PTPRG: variants seen among roughly 807,000 people sequenced by gnomAD.
The protein encoded by PTPRG is receptor-type tyrosine-protein phosphatase gamma.
A neutral mutation model predicts 165.3 loss-of-function variants in PTPRG; 102 were observed. That is an observed-to-expected ratio of 0.62 (90% CI 0.53 to 0.73). The LOEUF (loss-of-function observed/expected upper bound fraction) is 0.73, where lower values mean the gene tolerates loss of function less well. Among genes scored for constraint, PTPRG ranks in the 30% least tolerant of loss-of-function variants. The pLI, the probability that PTPRG is intolerant of heterozygous loss-of-function variation, is 0.00. For missense variants in PTPRG, 1,866 were observed against 1,861.4 expected, an observed-to-expected ratio of 1.00 and a Z score of -0.05; for synonymous variants, 675 against 669.5, an observed-to-expected ratio of 1.01 and a Z score of -0.13.
chr3:61,609,518 C>A (rs981130655), intron 1 of PTPRG, among the ~76,000 whole-genome samples: 3 of 152,196 alleles, frequency 2.0e-5, no homozygotes, highest in African/African-American at 7.2e-5. Context: ...CAACTACAAG[C>A]ACTCTACATC....
chr3:61,910,755 C>G (rs1326127506), intron 2 of PTPRG, among the ~76,000 whole-genome samples: 1 of 152,162 alleles, frequency 6.6e-6, no homozygotes, highest in Non-Finnish European at 1.5e-5. Context: ...CCTGCTTTCC[C>G]CACAGAACCC....
chr3:61,779,366 A>G (rs2034479697), intron 2 of PTPRG, among the ~76,000 whole-genome samples: 1 of 152,204 alleles, frequency 6.6e-6, no homozygotes, highest in African/African-American at 2.4e-5. Flanking sequence ...TATGAGTGGC[A>G]GTAATTGGCT....
intron 1 of PTPRG, among the ~76,000 whole-genome samples, chr3:61,711,493 G>C (rs2031554473): frequency 6.6e-6 from 1 of 152,142 alleles, no homozygotes; most frequent in African/African-American, 2.4e-5. Flanking sequence ...TCTCATTGTG[G>C]TTTTGATTTG....
chr3:61,748,405 G>A (rs2106913041), intron 1 of PTPRG, among the ~76,000 whole-genome samples: 1 of 152,308 alleles, frequency 6.6e-6, no homozygotes, highest in South Asian at 2.1e-4. Context: ...CCCTGGCTCT[G>A]TAAAGATCAA....
chr3:61,907,827 T>C (rs2038694281), intron 2 of PTPRG, among the ~76,000 whole-genome samples: 1 of 152,126 alleles, frequency 6.6e-6, no homozygotes, highest in Non-Finnish European at 1.5e-5. Flanking sequence ...AAGGAACTTA[T>C]AAAGTCAGTA....
chr3:61,662,118 G>A (rs1702684451), intron 1 of PTPRG, among the ~76,000 whole-genome samples: 1 of 152,140 alleles, frequency 6.6e-6, no homozygotes, highest in African/African-American at 2.4e-5. Context: ...CTTGGAAGGG[G>A]TTAGAAGGTA....
intron 1 of PTPRG, among the ~76,000 whole-genome samples, chr3:61,571,860 C>T (rs1174749277): frequency 6.6e-6 from 1 of 152,178 alleles, no homozygotes; most frequent in Non-Finnish European, 1.5e-5. Flanking sequence ...TGCATTTTTC[C>T]TCTGGAGTTT....
chr3:62,084,422 C>T (rs1279422398), intron 5 of PTPRG, among the ~76,000 whole-genome samples: 3 of 152,128 alleles, frequency 2.0e-5, no homozygotes, highest in African/African-American at 7.2e-5. Context: ...TTTGGTTTTT[C>T]CCTCAGGTCT....
At chr3:61,858,454 AAAAC>A (rs1445723883) in intron 2 of PTPRG, among the ~76,000 whole-genome samples, 1 of 152,220 alleles carries the variant, frequency 6.6e-6, no homozygotes, top group Non-Finnish European at 1.5e-5. Context: ...TTTGCTTTGC[AAAAC>A]AAACCTGCAA....
chr3:62,265,397 T>G (rs1166704257), intron 17 of PTPRG, among the ~76,000 whole-genome samples: 1 of 152,200 alleles, frequency 6.6e-6, no homozygotes, highest in African/African-American at 2.4e-5. Context: ...TAAATGAAAT[T>G]GTTTACTTAG....
At chr3:62,249,199 A>C (rs1701355738) in intron 15 of PTPRG, among the ~76,000 whole-genome samples, 1 of 152,194 alleles carries the variant, frequency 6.6e-6, no homozygotes. Flanking sequence ...AAATCTTGAT[A>C]ATGTCCTTTT....
intron 7 of PTPRG, among the ~76,000 whole-genome samples, chr3:62,161,915 C>T (rs1404435124): frequency 6.6e-6 from 1 of 152,216 alleles, no homozygotes; most frequent in Non-Finnish European, 1.5e-5. Context: ...TCTCCATGAC[C>T]TTAGGTGAGA....
At chr3:61,711,893 CTTTT>C (rs34377397) in intron 1 of PTPRG, among the ~76,000 whole-genome samples, 2 of 136,018 alleles carry the variant, frequency 1.5e-5, no homozygotes, top group Admixed American at 7.8e-5. Flanking sequence ...TTATTATAGT[CTTTT>C]TTTTTTTTTT....
At position 61,748,815 on chromosome 3, in the gene PTPRG, A is replaced by G. The variant is rs975812637; in HGVS notation, c.86-63A>G. 6.6e-6 allele frequency: 9 copies of G among 1,356,042 alleles called. No homozygotes were observed. The African/African-American group carries it at 1.3e-4, about 20-fold the overall frequency. The allele number at this position is 1,356,042 out of a possible 1,614,324, so 84.0% of individuals were successfully genotyped here. ...GAAGTCACCCAATGGTGTTCATTTG[A>G]CACCCTTCCTGTATCCAGTGGGGTG... On this transcript the variant is annotated intron_variant, in intron 1 of 29. Transcript: ENST00000474889.
At chr3:61,976,529 C>A (rs903131127) in intron 2 of PTPRG, among the ~76,000 whole-genome samples, 2 of 152,152 alleles carry the variant, frequency 1.3e-5, no homozygotes, top group African/African-American at 2.4e-5. Context: ...ATATTAGCAA[C>A]CTACAGGGTT....
intron 2 of PTPRG, among the ~76,000 whole-genome samples, chr3:61,898,349 C>T (rs183679807): frequency 1.3e-5 from 2 of 152,292 alleles, no homozygotes; most frequent in East Asian, 3.9e-4. Context: ...GCCACCATGC[C>T]TGGCTGTATA....
At chr3:62,004,475 G>T (rs895403934) in intron 4 of PTPRG, among the ~76,000 whole-genome samples, 2 of 152,194 alleles carry the variant, frequency 1.3e-5, no homozygotes, top group African/African-American at 4.8e-5. Context: ...CCAGACCATT[G>T]CACCAAATAC....
intron 2 of PTPRG, among the ~76,000 whole-genome samples, chr3:61,935,711 G>A (rs1054101460): frequency 3.7e-5 from 5 of 134,690 alleles, no homozygotes; most frequent in African/African-American, 1.4e-4. Context: ...TTTTAATGTT[G>A]TAATTTCTGT....
intron 7 of PTPRG, among the ~76,000 whole-genome samples, chr3:62,161,234 T>C (rs1049155847): frequency 3.9e-5 from 6 of 152,142 alleles, no homozygotes; most frequent in African/African-American, 1.4e-4. Context: ...GTTGTTGTTG[T>C]TGGTTTTGTT....
Sources: gnomAD v4.1 joint callset for allele counts (sites outside exome capture counted in the v4.1 genomes callset) on GRCh38, gnomAD v4.1.1 for gene constraint, MANE v1.5 for transcripts, NCBI Gene and HGNC (gene_info 2026-07-23, HGNC 2026-07-21) for gene names.